The following ESRRG variants were observed in gnomAD, a reference collection of about 807,000 sequenced individuals.
ESRRG encodes estrogen related receptor gamma.
In ESRRG, 13 loss-of-function variants were observed where a neutral mutation model predicts 44.0. The ratio of observed to expected loss-of-function variants is 0.30; its 90% CI spans 0.19 to 0.47. The LOEUF is 0.47. Among genes scored for constraint, ESRRG ranks in the 20% least tolerant of loss-of-function variants. The pLI is 1.00. For missense variants in ESRRG, 395 were observed against 580.6 expected (o/e 0.68, Z 3.29); for synonymous variants, 215 against 214.6 (o/e 1.00, Z -0.02).
chr1:216,546,816 T>A (rs1021763326), intron 5 of ESRRG, among the ~76,000 whole-genome samples: 1 of 78,476 alleles, frequency 1.3e-5, no homozygotes, highest in Admixed American at 1.8e-4. Flanking sequence ...TCTCTTTATA[T>A]ATATATATAT....
At chr1:216,651,486 CT>C (rs1432903567) in intron 2 of ESRRG, among the ~76,000 whole-genome samples, 1 of 152,114 alleles carries the variant, frequency 6.6e-6, no homozygotes, top group Admixed American at 6.6e-5. Context: ...ATTCCTAATA[CT>C]TTGGTGCATC....
chr1:216,797,796 G>T (rs2094513967), intron 2 of ESRRG, among the ~76,000 whole-genome samples: 1 of 152,088 alleles, frequency 6.6e-6, no homozygotes, highest in African/African-American at 2.4e-5. Flanking sequence ...CCTGCTTAAG[G>T]TAGTGTTTGG....
At chr1:216,813,412 A>G (rs2095036719) in intron 2 of ESRRG, among the ~76,000 whole-genome samples, 1 of 152,188 alleles carries the variant, frequency 6.6e-6, no homozygotes. Context: ...ATCTCGTTAT[A>G]CTTGTAATAT....
intron 3 of ESRRG, among the ~76,000 whole-genome samples, chr1:216,607,552 CACCACTCCCTAG>C (rs1413583928): frequency 6.6e-6 from 1 of 152,162 alleles, no homozygotes. Flanking sequence ...GTTTCTGAAA[CACCACTCCCTAG>C]ACCTTACTAT....
intron 3 of ESRRG, among the ~76,000 whole-genome samples, chr1:216,594,467 T>A (rs2058151056): frequency 6.6e-6 from 1 of 152,152 alleles, no homozygotes. Context: ...TGGCCAGGGA[T>A]CTACTCTAGA....
chr1:216,578,548 C>T (rs926352950), intron 3 of ESRRG, among the ~76,000 whole-genome samples: 11 of 152,010 alleles, frequency 7.2e-5, no homozygotes, highest in African/African-American at 2.2e-4. Context: ...TGAAGGAACA[C>T]GAAAAAGCAA....
chr1:216,676,227 T>C (rs780846546), intron 2 of ESRRG, among the ~76,000 whole-genome samples: 4 of 152,214 alleles, frequency 2.6e-5, no homozygotes, highest in African/African-American at 9.6e-5. Flanking sequence ...TCTAGATCTG[T>C]AGATTACCAG....
At chr1:216,676,161 G>A (rs182240952) in intron 2 of ESRRG, among the ~76,000 whole-genome samples, 32 of 152,194 alleles carry the variant, frequency 2.1e-4, no homozygotes, top group Admixed American at 2.6e-4. Flanking sequence ...ACCTAAAAAC[G>A]TGAAATCTAA....
intron 2 of ESRRG, among the ~76,000 whole-genome samples, chr1:216,929,178 A>T (rs2062985553): frequency 6.6e-6 from 1 of 152,210 alleles, no homozygotes; most frequent in South Asian, 2.1e-4. Context: ...TGTTCAAGTC[A>T]CACCTGATTG....
chr1:216,836,108 A>G (rs538503438), intron 2 of ESRRG, among the ~76,000 whole-genome samples: 114 of 151,766 alleles, frequency 7.5e-4, no homozygotes, highest in African/African-American at 1.9e-3. Flanking sequence ...AAAAAAAAAA[A>G]AAAGAAAGAA....
intron 2 of ESRRG, among the ~76,000 whole-genome samples, chr1:216,742,813 T>C (rs1423796274): frequency 6.6e-6 from 1 of 152,042 alleles, no homozygotes; most frequent in African/African-American, 2.4e-5. Flanking sequence ...CAAGTAAAAA[T>C]GTTGAATTCA....
chr1:216,986,851 A>T (rs1035950249), intron 1 of ESRRG, among the ~76,000 whole-genome samples: 1 of 152,204 alleles, frequency 6.6e-6, no homozygotes, highest in Non-Finnish European at 1.5e-5. Context: ...TTTTTCCAAA[A>T]ATTCGACAAC....
intron 3 of ESRRG, among the ~76,000 whole-genome samples, chr1:216,638,288 T>C (rs551828272): frequency 2.0e-5 from 3 of 152,340 alleles, no homozygotes; most frequent in Non-Finnish European, 2.9e-5. Context: ...AATCTCCATT[T>C]CATAGGTAAG....
chr1:216,619,970 G>C (rs1164395629), intron 3 of ESRRG, among the ~76,000 whole-genome samples: 3 of 152,058 alleles, frequency 2.0e-5, no homozygotes, highest in African/African-American at 7.2e-5. Context: ...CACTTTCTCT[G>C]TCTATGATCT....
In ESRRG at chr1:216,638,711, A is replaced by G. The variant is rs190553556; in HGVS notation, c.589+12262T>C. Reference sequence around the variant, plus strand: ...CACAAGGATAGAAACTCTTTTGTCCATGTTCACAAAGTGAATGGTATGGAG... The same window carrying G: ...CACAAGGATAGAAACTCTTTTGTCCGTGTTCACAAAGTGAATGGTATGGAG... On this transcript the variant is annotated intron_variant, in intron 3 of 6. Coordinates refer to ENST00000408911, the MANE Select transcript of ESRRG (RefSeq NM_001438.4). Among the ~76,000 whole-genome samples, 147 of 152,332 alleles carry G rather than the reference A, an allele frequency of 9.6e-4. 1 individual carries two copies. The highest frequency in any genetic ancestry group is 3.3e-3 in the African/African-American group (139 of 41,574).
At chr1:216,927,062 C>T (rs1000443428) in intron 2 of ESRRG, among the ~76,000 whole-genome samples, 2 of 152,136 alleles carry the variant, frequency 1.3e-5, no homozygotes, top group Admixed American at 6.5e-5. Flanking sequence ...TTAGAAATGG[C>T]AACTGCTTCT....
At chr1:216,903,478 G>C (rs899315397) in intron 2 of ESRRG, among the ~76,000 whole-genome samples, 9 of 151,602 alleles carry the variant, frequency 5.9e-5, no homozygotes, top group Non-Finnish European at 1.2e-4. Flanking sequence ...ATGGAGGAAA[G>C]AATGGAAAGA....
At chr1:216,785,666 G>C (rs1373089543) in intron 2 of ESRRG, among the ~76,000 whole-genome samples, 1 of 151,866 alleles carries the variant, frequency 6.6e-6, no homozygotes, top group Non-Finnish European at 1.5e-5. Flanking sequence ...GCAAGAGAAG[G>C]GTCTCCTTTA....
chr1:216,873,927 G>A (rs1467779882), intron 2 of ESRRG, among the ~76,000 whole-genome samples: 1 of 107,822 alleles, frequency 9.3e-6, no homozygotes, highest in Non-Finnish European at 2.0e-5. Flanking sequence ...GGAAGGGAAG[G>A]GAAGGGAAGG....
Sources: gnomAD v4.1 joint callset for allele counts (sites outside exome capture counted in the v4.1 genomes callset) on GRCh38, gnomAD v4.1.1 for gene constraint, MANE v1.5 for transcripts, NCBI Gene and HGNC (gene_info 2026-07-23, HGNC 2026-07-21) for gene names.